The following TACC2 variants were observed in gnomAD, a reference collection of about 807,000 sequenced individuals.
The protein encoded by TACC2 is transforming acidic coiled-coil-containing protein 2.
In TACC2, 137 loss-of-function variants were observed where a neutral mutation model predicts 227.3. The ratio of observed to expected loss-of-function variants is 0.60; its 90% CI spans 0.52 to 0.69. The LOEUF (loss-of-function observed/expected upper bound fraction) is 0.69, where lower values mean the gene tolerates loss of function less well. Ranked by LOEUF, TACC2 falls within the 30% of genes least tolerant of loss-of-function variation. The pLI is 0.00. For synonymous variants in TACC2, 1,523 were observed against 1,487.5 expected (o/e 1.02, Z -0.55); for missense variants, 3,470 against 3,694.4 (o/e 0.94, Z 1.57).
chr10:122,012,675 C>A (rs1374134690), intron 1 of TACC2, among the ~76,000 whole-genome samples: 1 of 152,000 alleles, frequency 6.6e-6, no homozygotes, highest in Non-Finnish European at 1.5e-5. Flanking sequence ...GCAGCTACCA[C>A]CCTTAAGCCT....
rs145698847 is a variant in TACC2, at chr10:122,049,115, C to G, written c.34-1323C>G. ...CAGCTCATCTGGATGAGAGGTGGAC[C>G]GGGGAATGCACTCTCAGTTGCTAGT... On this transcript the variant is annotated intron_variant, in intron 2 of 22. Transcript: ENST00000369005. Among the ~76,000 whole-genome samples the G allele has an allele frequency of 7.0e-4, 106 of 152,248 alleles. 1 individual carries two copies. The highest frequency in any genetic ancestry group is 2.0e-3 in the African/African-American group (84 of 41,530).
rs1203463385 is a variant in TACC2, at chr10:122,227,963, G to A, written c.7851G>A (p.Glu2617=). Residue 2617 remains glutamate, a synonymous_variant, in exon 14 of 23, where the codon GAG becomes GAA. Coordinates refer to ENST00000369005, the MANE Select transcript of TACC2 (RefSeq NM_206862.4). ...LQVPEKSSQK[E]LEAMGLGTPS... ...TGCCAGAGAAATCCTCCCAGAAGGAGCTGGAGGCCATGGGCTTGGGCACCC... is the reference window on the plus strand; with the variant it reads ...TGCCAGAGAAATCCTCCCAGAAGGAACTGGAGGCCATGGGCTTGGGCACCC... 6.2e-7 allele frequency: 1 copy of A among 1,614,052 alleles called. No individual in the cohort carries two copies. Among genetic ancestry groups the A allele is most frequent in the East Asian group, 2.2e-5 (1 of 44,902 alleles).
At chr10:122,105,766 G>A (rs1200552717) in intron 5 of TACC2, among the ~76,000 whole-genome samples, 5 of 151,868 alleles carry the variant, frequency 3.3e-5, no homozygotes, top group African/African-American at 1.2e-4. Flanking sequence ...GATTACAGGT[G>A]CCCACCACCA....
intron 1 of TACC2, among the ~76,000 whole-genome samples, chr10:122,013,123 G>A (rs1956154838): frequency 1.3e-5 from 2 of 152,176 alleles, no homozygotes; most frequent in African/African-American, 2.4e-5. Flanking sequence ...TGTCAGTCCT[G>A]TGTCTGATCA....
intron 11 of TACC2, among the ~76,000 whole-genome samples, chr10:122,220,847 C>T (rs942291653): frequency 5.3e-5 from 8 of 152,198 alleles, no homozygotes; most frequent in Non-Finnish European, 8.8e-5. Context: ...TGCTTTTCTA[C>T]AGTTCCCCAT....
intron 5 of TACC2, among the ~76,000 whole-genome samples, chr10:122,113,907 TG>T (rs35807827): frequency 6.6e-6 from 1 of 152,210 alleles, no homozygotes; most frequent in South Asian, 2.1e-4. Context: ...GTCGGGGCGC[TG>T]GGATTTGCTG....
At chr10:122,033,569 A>G (rs1478568406) in intron 2 of TACC2, among the ~76,000 whole-genome samples, 1 of 152,212 alleles carries the variant, frequency 6.6e-6, no homozygotes, top group Non-Finnish European at 1.5e-5. Flanking sequence ...GATTTGTTGT[A>G]AAAGAAGATT....
At chr10:122,230,896 G>A (rs1397215216) in intron 16 of TACC2, among the ~76,000 whole-genome samples, 1 of 152,078 alleles carries the variant, frequency 6.6e-6, no homozygotes, top group East Asian at 1.9e-4. Flanking sequence ...GTTGAGACAA[G>A]GCCCTAATCA....
At chr10:122,020,768 A>G (rs17631911) in intron 1 of TACC2, among the ~76,000 whole-genome samples, 11,612 of 152,204 alleles carry the variant, frequency 0.076, 571 homozygotes, top group East Asian at 0.15. Context: ...CAGCTCTAAA[A>G]GTCTATGATT....
intron 1 of TACC2, among the ~76,000 whole-genome samples, chr10:122,018,151 T>C (rs1213440956): frequency 6.6e-6 from 1 of 152,064 alleles, no homozygotes; most frequent in African/African-American, 2.4e-5. Flanking sequence ...GGCCCTGGTG[T>C]ATGTTGTTCC....
intron 8 of TACC2, among the ~76,000 whole-genome samples, chr10:122,202,646 G>A (rs11200474): frequency 0.018 from 2,710 of 150,704 alleles, 79 homozygotes; most frequent in African/African-American, 0.063. Flanking sequence ...TTCTCCAGAA[G>A]TAGATTTTTC....
chr10:122,175,678 C>T (rs934451694), intron 7 of TACC2, among the ~76,000 whole-genome samples: 5 of 152,194 alleles, frequency 3.3e-5, no homozygotes, highest in Admixed American at 6.5e-5. Flanking sequence ...TGACCAGGTA[C>T]GGACTTTCCT....
At chr10:122,123,280 C>T (rs1006935665) in intron 5 of TACC2, among the ~76,000 whole-genome samples, 4 of 152,142 alleles carry the variant, frequency 2.6e-5, no homozygotes, top group African/African-American at 9.7e-5. Flanking sequence ...GCTGGGATTA[C>T]AGCTGTGAGC....
At chr10:122,064,900 T>C (rs1233879511) in intron 3 of TACC2, among the ~76,000 whole-genome samples, 1 of 152,184 alleles carries the variant, frequency 6.6e-6, no homozygotes, top group African/African-American at 2.4e-5. Context: ...ATCTAGGTCA[T>C]TTTCATCATA....
chr10:122,005,080 T>C (rs12413396), intron 1 of TACC2, among the ~76,000 whole-genome samples: 9,653 of 151,970 alleles, frequency 0.064, 382 homozygotes, highest in East Asian at 0.12. Flanking sequence ...AGTTACTGTA[T>C]TTTATTTTAT....
In TACC2 at chr10:122,218,353, C is replaced by T. The variant is rs186476202; in HGVS notation, c.7546+1525C>T. ...ATAAGAGACTAAGATCTCCTTTAAA[C>T]GGCTTCCTCCCTGTCTGAGTGGAGT... On this transcript the variant is annotated intron_variant, in intron 11 of 22. Coordinates refer to ENST00000369005, the MANE Select transcript of TACC2 (RefSeq NM_206862.4). 3.6e-3 allele frequency among the ~76,000 whole-genome samples: 546 copies of T among 152,262 alleles called. 4 individuals carry two copies. Among genetic ancestry groups the T allele is most frequent in the African/African-American group, 0.011 (475 of 41,556 alleles).
chr10:122,224,613 CAG>C (rs2095587227), intron 11 of TACC2, 111 bp from the exon 12 acceptor site: 3 of 886,154 alleles, frequency 3.4e-6, no homozygotes, highest in Non-Finnish European at 5.5e-6. Flanking sequence ...TCAGAAAGCC[CAG>C]AGCCTTGTGA....
intron 2 of TACC2, among the ~76,000 whole-genome samples, chr10:122,047,155 G>C (rs1417088146): frequency 6.6e-6 from 1 of 151,530 alleles, no homozygotes; most frequent in Non-Finnish European, 1.5e-5. Context: ...CGGGTGTGGT[G>C]GTGGGCACCT....
At position 122,211,273 on chromosome 10, in the gene TACC2, C is replaced by T; in HGVS notation, c.6848C>T (p.Pro2283Leu). The T allele has an allele frequency of 6.2e-7, 1 of 1,614,072 alleles. No homozygotes were observed. The highest frequency in any genetic ancestry group is 1.7e-5 in the Admixed American group (1 of 60,014). Residue 2283 changes from proline to leucine, a missense_variant, in exon 9 of 23, where the codon CCC becomes CTC. Transcript: ENST00000369005. ...KSSWDNQQEN[P>L]PPTKKIGKKP... ...AGTTGGGACAACCAGCAGGAAAACC[C>T]CCCTCCTACCAAAAAGATAGGCAAA...
Sources: gnomAD v4.1 joint callset for allele counts (sites outside exome capture counted in the v4.1 genomes callset) on GRCh38, gnomAD v4.1.1 for gene constraint, MANE v1.5 for transcripts, NCBI Gene and HGNC (gene_info 2026-07-23, HGNC 2026-07-21) for gene names.